Variants in ANO3 observed in about 807,000 individuals in gnomAD.
ANO3 encodes the protein anoctamin 3.
A neutral mutation model predicts 144.8 loss-of-function variants in ANO3; 99 were observed. The observed-to-expected ratio is 0.68, with a 90% CI of 0.58 to 0.81. The LOEUF (loss-of-function observed/expected upper bound fraction) is 0.81. ANO3 is among the 30% of genes least tolerant of loss of function. The probability of loss-of-function intolerance (pLI) is 0.00; values close to 1 mark genes in which losing one functional copy is unlikely to be tolerated. For missense variants in ANO3, 905 were observed against 1,202.2 expected, an observed-to-expected ratio of 0.75 and a Z score of 3.66; for synonymous variants, 414 against 392.6, an observed-to-expected ratio of 1.05 and a Z score of -0.64.
intron 4 of ANO3, among the ~76,000 whole-genome samples, chr11:26,474,909 C>G (rs1318992973): frequency 2.0e-5 from 3 of 151,704 alleles, no homozygotes; most frequent in Non-Finnish European, 4.4e-5. Context: ...AATGTATTCT[C>G]TGTAAATTAC....
At chr11:26,327,667 G>C (rs1590262977), upstream of ANO3, among the ~76,000 whole-genome samples, 1 of 152,150 alleles carries the variant, frequency 6.6e-6, no homozygotes, top group South Asian at 2.1e-4. Flanking sequence ...GATGATTTTT[G>C]TTTAAATAAA....
chr11:26,469,890 A>G (rs1488155584), intron 4 of ANO3, among the ~76,000 whole-genome samples: 3 of 80,816 alleles, frequency 3.7e-5, no homozygotes, highest in Non-Finnish European at 8.2e-5. Flanking sequence ...AGAAATACAA[A>G]TGTAAGCAAT....
At chr11:26,242,310 TTG>T (rs2133811947) in intron 1 of ANO3, among the ~76,000 whole-genome samples, 1 of 152,324 alleles carries the variant, frequency 6.6e-6, no homozygotes, top group Non-Finnish European at 1.5e-5. Context: ...CCTACTTCTA[TTG>T]TTTCATTTAT....
intron 6 of ANO3, among the ~76,000 whole-genome samples, chr11:26,522,457 TTATAA>T (rs2134162292): frequency 6.6e-6 from 1 of 152,280 alleles, no homozygotes; most frequent in South Asian, 2.1e-4. Context: ...AATCATTTAC[TTATAA>T]TATGAAGTGA....
chr11:26,414,298 T>C (rs990026229), intron 1 of ANO3, among the ~76,000 whole-genome samples: 3 of 152,226 alleles, frequency 2.0e-5, no homozygotes, highest in African/African-American at 7.2e-5. Context: ...CACGTATGTT[T>C]ATTGCAGCAC....
intron 14 of ANO3, among the ~76,000 whole-genome samples, chr11:26,596,556 G>A (rs1338597323): frequency 6.6e-6 from 1 of 152,102 alleles, no homozygotes; most frequent in Non-Finnish European, 1.5e-5. Context: ...AGACTCCCTG[G>A]GTTCATTGCC....
At chr11:26,447,306 C>T (rs553616642) in intron 3 of ANO3, among the ~76,000 whole-genome samples, 1 of 150,192 alleles carries the variant, frequency 6.7e-6, no homozygotes, top group Non-Finnish European at 1.5e-5. Context: ...TATTATTATA[C>T]ACTTTACCTG....
At chr11:26,191,613 G>C (rs1851479876) in intron 1 of ANO3, among the ~76,000 whole-genome samples, 1 of 152,086 alleles carries the variant, frequency 6.6e-6, no homozygotes, top group Non-Finnish European at 1.5e-5. Flanking sequence ...TATGATTTAA[G>C]CTCTGTTTTT....
intron 24 of ANO3, among the ~76,000 whole-genome samples, chr11:26,655,196 A>G (rs1853648949): frequency 6.6e-6 from 1 of 152,178 alleles, no homozygotes; most frequent in South Asian, 2.1e-4. Flanking sequence ...ATGAGAAAAC[A>G]TCCAGGCATT....
At chr11:26,581,212 T>C (rs2132857653) in intron 14 of ANO3, among the ~76,000 whole-genome samples, 1 of 152,250 alleles carries the variant, frequency 6.6e-6, no homozygotes, top group Non-Finnish European at 1.5e-5. Context: ...TTGAAGATGA[T>C]GTGACTTAAT....
At chr11:26,522,214 CA>C (rs398115186) in intron 6 of ANO3, among the ~76,000 whole-genome samples, 4 of 150,778 alleles carry the variant, frequency 2.7e-5, no homozygotes, top group African/African-American at 9.8e-5. Context: ...ACAACAACAA[CA>C]AAAAAAAAAC....
intron 1 of ANO3, among the ~76,000 whole-genome samples, chr11:26,280,698 G>A (rs10834948): frequency 3.3e-5 from 5 of 151,896 alleles, no homozygotes; most frequent in Admixed American, 6.5e-5. Flanking sequence ...AGGAAAATAC[G>A]TTGCATCCTT....
chr11:26,649,936 T>C (rs1337538315), intron 24 of ANO3, among the ~76,000 whole-genome samples: 1 of 152,170 alleles, frequency 6.6e-6, no homozygotes, highest in African/African-American at 2.4e-5. Context: ...GGAGCCCTCT[T>C]CCATAGCATT....
chr11:26,252,106 T>C (rs1032859663), intron 1 of ANO3, among the ~76,000 whole-genome samples: 7 of 152,208 alleles, frequency 4.6e-5, no homozygotes, highest in Non-Finnish European at 8.8e-5. Context: ...TTATGCAACA[T>C]ATAAAATATT....
intron 1 of ANO3, among the ~76,000 whole-genome samples, chr11:26,382,270 C>T (rs775288178): frequency 1.1e-4 from 17 of 152,098 alleles, no homozygotes; most frequent in African/African-American, 2.2e-4. Flanking sequence ...ATTATAATAA[C>T]AACAGTAGTA....
intron 17 of ANO3, among the ~76,000 whole-genome samples, chr11:26,623,110 A>G (rs1476242348): frequency 6.6e-6 from 1 of 152,204 alleles, no homozygotes; most frequent in Non-Finnish European, 1.5e-5. Context: ...TGTATAGCTA[A>G]AACAAAGACC....
chr11:26,198,993 G>C (rs558371469), intron 1 of ANO3, among the ~76,000 whole-genome samples: 12 of 152,180 alleles, frequency 7.9e-5, no homozygotes, highest in Non-Finnish European at 1.2e-4. Flanking sequence ...TTCTAAAGTA[G>C]TGGGAGGTTA....
intron 3 of ANO3, among the ~76,000 whole-genome samples, chr11:26,460,419 AGGG>A (rs11288749): frequency 1.4e-4 from 16 of 114,052 alleles, no homozygotes; most frequent in African/African-American, 6.2e-4. Flanking sequence ...AGAAGAAGAA[AGGG>A]GGGGGGGCGG....
At chr11:26,579,303 C>T (rs986367253) in intron 14 of ANO3, among the ~76,000 whole-genome samples, 9 of 152,064 alleles carry the variant, frequency 5.9e-5, no homozygotes, top group African/African-American at 2.2e-4. Context: ...TTCTCACCAA[C>T]GAGCCATAAC....
Sources: gnomAD v4.1 joint callset for allele counts (sites outside exome capture counted in the v4.1 genomes callset) on GRCh38, gnomAD v4.1.1 for gene constraint, MANE v1.5 for transcripts, NCBI Gene and HGNC (gene_info 2026-07-23, HGNC 2026-07-21) for gene names.